Variants in PCBP3 observed in about 807,000 individuals in gnomAD.
PCBP3 encodes the protein poly(rC)-binding protein 3.
PCBP3 carries 25 observed loss-of-function variants against 52.7 expected under a neutral mutation model. That is an observed-to-expected ratio of 0.47 (90% CI 0.35 to 0.66). PCBP3 has a LOEUF of 0.66. Ranked by LOEUF, PCBP3 falls within the 30% of genes least tolerant of loss-of-function variation. The probability of loss-of-function intolerance (pLI) is 0.01; values close to 1 mark genes in which losing one functional copy is unlikely to be tolerated. For synonymous variants in PCBP3, 162 were observed against 183.0 expected (o/e 0.89, Z 0.93); for missense variants, 391 against 490.3 (o/e 0.80, Z 1.91).
intron 4 of PCBP3, among the ~76,000 whole-genome samples, chr21:45,795,828 C>T (rs939784542): frequency 2.0e-5 from 3 of 152,138 alleles, no homozygotes; most frequent in Non-Finnish European, 2.9e-5. Flanking sequence ...TTAGCCACTT[C>T]GATCAAGAAA....
At position 45,680,079 on chromosome 21, in the gene PCBP3, A is replaced by G. The variant is rs138671632; in HGVS notation, c.-200+11127A>G. Reference sequence around the variant, plus strand: ...CATACTGGATTTCTTATATCGTTCCATTGATTGCCATGTCCATCCTTCTGA... The same window carrying G: ...CATACTGGATTTCTTATATCGTTCCGTTGATTGCCATGTCCATCCTTCTGA... On this transcript the variant is annotated intron_variant, in intron 2 of 17. Transcript: ENST00000681687. 5.8e-3 allele frequency among the ~76,000 whole-genome samples: 879 copies of G among 152,300 alleles called. 9 individuals are homozygous for G. Among genetic ancestry groups the G allele is most frequent in the African/African-American group, 0.02 (848 of 41,546 alleles).
At chr21:45,784,229 T>C (rs955225412) in intron 4 of PCBP3, among the ~76,000 whole-genome samples, 1 of 152,156 alleles carries the variant, frequency 6.6e-6, no homozygotes, top group African/African-American at 2.4e-5. Flanking sequence ...TTAAGGTGTT[T>C]TGATTGTAAA....
chr21:45,913,190 C>G (rs2096434944), intron 11 of PCBP3, among the ~76,000 whole-genome samples: 1 of 152,238 alleles, frequency 6.6e-6, no homozygotes, highest in South Asian at 2.1e-4. Flanking sequence ...AATGCTGGCG[C>G]TGGAGAATGT....
At chr21:45,719,121 G>C (rs2084433466) in intron 2 of PCBP3, among the ~76,000 whole-genome samples, 1 of 152,104 alleles carries the variant, frequency 6.6e-6, no homozygotes, top group East Asian at 1.9e-4. Context: ...TGAATTCGGG[G>C]AACAAGCCAT....
chr21:45,863,261 G>C (rs2148481224), intron 5 of PCBP3, among the ~76,000 whole-genome samples: 1 of 152,348 alleles, frequency 6.6e-6, no homozygotes, highest in Non-Finnish European at 1.5e-5. Context: ...GCCAAGCCCA[G>C]GTCAGCCCCG....
At chr21:45,752,485 A>T (rs1009614145) in intron 3 of PCBP3, among the ~76,000 whole-genome samples, 2 of 152,012 alleles carry the variant, frequency 1.3e-5, no homozygotes, top group African/African-American at 2.4e-5. Context: ...ATAGATTTAG[A>T]TATATAGTAC....
chr21:45,863,433 GCC>G, intron 5 of PCBP3, among the ~76,000 whole-genome samples: 1 of 152,218 alleles, frequency 6.6e-6, no homozygotes, highest in Non-Finnish European at 1.5e-5. Context: ...AGCTGCTGCG[GCC>G]GTGTGTCCTA....
intron 4 of PCBP3, among the ~76,000 whole-genome samples, chr21:45,844,219 C>T (rs563508920): frequency 3.6e-4 from 54 of 152,078 alleles, no homozygotes; most frequent in South Asian, 3.3e-3. Flanking sequence ...GACGATTGAC[C>T]CACTGCATTA....
chr21:45,892,301 T>A (rs1453215413), intron 5 of PCBP3, among the ~76,000 whole-genome samples: 1 of 152,178 alleles, frequency 6.6e-6, no homozygotes, highest in Non-Finnish European at 1.5e-5. Context: ...AAGGGGAAGT[T>A]CCTCTACAAG....
intron 13 of PCBP3, among the ~76,000 whole-genome samples, chr21:45,920,310 A>C (rs1254425767): frequency 6.6e-6 from 1 of 152,168 alleles, no homozygotes. Flanking sequence ...AAATTTCCAG[A>C]GGCCGTGGCT....
In PCBP3 at chr21:45,646,082, TTTCTCTCTC is replaced by T. The variant is rs2079247665; in HGVS notation, c.-279+2216_-279+2224del. Among the ~76,000 whole-genome samples the T allele has an allele frequency of 4.3e-5, 5 of 114,944 alleles. No homozygotes were observed. The East Asian group carries it at 1.2e-3, about 27-fold the overall frequency. 75.4% of individuals were successfully genotyped at this position (114,944 alleles called of 152,430 possible). On this transcript the variant is annotated intron_variant, in intron 1 of 17. Transcript: ENST00000681687. ...CTCTCTCTCTCTCTCTCTCTCTCTC[TTTCTCTCTC>T]TCTCTCTCTCTCTCTCTGTGTGTGT...
chr21:45,937,373 C>T (rs1318958353), intron 16 of PCBP3, among the ~76,000 whole-genome samples: 1 of 152,212 alleles, frequency 6.6e-6, no homozygotes, highest in East Asian at 1.9e-4. Context: ...CATGCAGGCA[C>T]TGGTGCCTGT....
intron 3 of PCBP3, among the ~76,000 whole-genome samples, chr21:45,743,051 G>A (rs1229789930): frequency 1.3e-5 from 2 of 152,066 alleles, no homozygotes; most frequent in Non-Finnish European, 2.9e-5. Context: ...ATATAGAAAG[G>A]GAATCTGTCT....
chr21:45,739,439 C>T (rs1177490536), intron 3 of PCBP3, among the ~76,000 whole-genome samples: 2 of 144,648 alleles, frequency 1.4e-5, no homozygotes, highest in South Asian at 2.3e-4. Context: ...GATGGCCCCC[C>T]CATCTTCATC....
intron 2 of PCBP3, among the ~76,000 whole-genome samples, chr21:45,696,218 A>G (rs1005419687): frequency 6.6e-6 from 1 of 152,120 alleles, no homozygotes; most frequent in Non-Finnish European, 1.5e-5. Context: ...TTAAAGGAAT[A>G]TAGTAACGCT....
intron 8 of PCBP3, 45 bp downstream of exon 8, chr21:45,900,668 G>T: frequency 7.6e-7 from 1 of 1,323,184 alleles, no homozygotes; most frequent in South Asian, 1.2e-5. Flanking sequence ...TTCCCGGGTG[G>T]GCGGGGTGGG....
chr21:45,731,529 T>G (rs2085455505), intron 2 of PCBP3, among the ~76,000 whole-genome samples: 1 of 152,194 alleles, frequency 6.6e-6, no homozygotes, highest in African/African-American at 2.4e-5. Context: ...CCTCTCTGGA[T>G]CTAACTGGCT....
chr21:45,869,217 G>A (rs910513213), intron 5 of PCBP3: 1 of 152,204 alleles, frequency 6.6e-6, no homozygotes, highest in Non-Finnish European at 1.5e-5. Context: ...GGCCGTCAGC[G>A]GATTGAAGCT....
chr21:45,910,156 T>C lies in PCBP3; in HGVS notation c.471+670T>C, dbSNP rs71324454. The stretch of plus-strand genomic sequence containing the variant: ...CCCCACCACTGCCCAGATATGGACC[T>C]GGCCCACCCACTGCCCAGATACGGA... On this transcript the variant is annotated intron_variant, in intron 10 of 17. Transcript: ENST00000681687. 1.6e-3 allele frequency among the ~76,000 whole-genome samples: 11 copies of C among 6,956 alleles called. 1 individual carries two copies. Among genetic ancestry groups the C allele is most frequent in the African/African-American group, 1.9e-3 (1 of 534 alleles). The allele number at this position is 6,956 out of a possible 152,430, so 4.6% of individuals were successfully genotyped here.
Sources: allele counts gnomAD v4.1 joint callset (sites outside exome capture counted in the v4.1 genomes callset), GRCh38; gene constraint gnomAD v4.1.1; transcripts MANE v1.5; gene names NCBI Gene and HGNC (gene_info 2026-07-23, HGNC 2026-07-21).